Variants in SEMA6A observed in about 807,000 individuals in gnomAD.
SEMA6A encodes semaphorin-6A.
In SEMA6A, 25 loss-of-function variants were observed where a neutral mutation model predicts 96.8. That is an observed-to-expected ratio of 0.26 (90% CI 0.19 to 0.36). The LOEUF (loss-of-function observed/expected upper bound fraction) is 0.36. SEMA6A is among the 10% of genes least tolerant of loss of function. SEMA6A has a pLI of 1.00. For missense variants in SEMA6A, 1,363 were observed against 1,323.1 expected, an observed-to-expected ratio of 1.03 and a Z score of -0.47; for synonymous variants, 612 against 518.0, an observed-to-expected ratio of 1.18 and a Z score of -2.46.
rs35628596 is a variant in SEMA6A at position 116,446,702 on chromosome 5, G to C, written c.3004C>G (p.Arg1002Gly). Reference protein sequence around the residue: ...YNSLTRSGLKRTPSLKPDVPP... With the variant: ...YNSLTRSGLKGTPSLKPDVPP... ...ACGTCCGGCTTTAGCGAGGGCGTAC[G>C]CTTCAGCCCCGACCTTGTCAGTGAG... is the stretch of plus-strand genomic sequence containing the variant. The change falls in exon 19 of 19, where the codon CGT becomes GGT. Residue 1002 changes from arginine (R) to glycine (G), a missense_variant. Arg to Gly is a moderately radical substitution (Grantham distance 125, BLOSUM62 -2). Coordinates refer to ENST00000343348, the MANE Select transcript of SEMA6A (RefSeq NM_020796.5). 5 of 1,587,972 alleles carry C rather than the reference G, an allele frequency of 3.1e-6. No individual in the cohort carries two copies. Among genetic ancestry groups the C allele is most frequent in the Non-Finnish European group, 4.3e-6 (5 of 1,166,234 alleles).
Position 116,446,751 on chromosome 5 carries a change from C to T in SEMA6A, c.2955G>A (p.Arg985=), listed in dbSNP as rs532604343. ...AGTTGTAGGCGTTGAGGCTGGGCTG[C>T]CTCGAGACAGTCACGGCCTGGCCAG... The part of the protein sequence containing the change: ...QPSGQAVTVS[R]QPSLNAYNSL... Residue 985 remains arginine, a synonymous_variant, in exon 19 of 19, where the codon AGG becomes AGA. Transcript: ENST00000343348. The T allele has an allele frequency of 6.8e-6, 11 of 1,608,064 alleles. No homozygotes were observed. Among genetic ancestry groups the T allele is most frequent in the Non-Finnish European group, 9.3e-6 (11 of 1,177,002 alleles).
At chr5:116,543,677 T>G (rs528756021) in intron 1 of SEMA6A, among the ~76,000 whole-genome samples, 82 of 152,226 alleles carry the variant, frequency 5.4e-4, no homozygotes, top group Non-Finnish European at 1.0e-3. Flanking sequence ...AGGGCTGTTT[T>G]AACACAGATT....
intron 10 of SEMA6A, among the ~76,000 whole-genome samples, chr5:116,484,024 A>C (rs1756917837): frequency 6.8e-6 from 1 of 146,678 alleles, no homozygotes; most frequent in South Asian, 2.3e-4. Context: ...AGACTAAGCC[A>C]CTGCACTCCA....
intron 1 of SEMA6A, among the ~76,000 whole-genome samples, chr5:116,536,938 C>G (rs915397101): frequency 7.0e-6 from 1 of 143,168 alleles, no homozygotes; most frequent in Non-Finnish European, 1.5e-5. Context: ...CAGCACTTTG[C>G]TGACTCCAAG....
chr5:116,533,344 G>A (rs1262857876), intron 1 of SEMA6A, among the ~76,000 whole-genome samples: 1 of 147,556 alleles, frequency 6.8e-6, no homozygotes, highest in African/African-American at 2.6e-5. Context: ...CTGCTGCTCT[G>A]TGCACAGATG....
chr5:116,471,594 G>C (rs1301269233), intron 17 of SEMA6A: 3 of 152,090 alleles, frequency 2.0e-5, no homozygotes, highest in Non-Finnish European at 4.4e-5. Context: ...TCTAGTCTTT[G>C]GTGTTCAATA....
intron 12 of SEMA6A, among the ~76,000 whole-genome samples, chr5:116,479,369 C>T (rs897437295): frequency 3.7e-4 from 56 of 152,332 alleles, no homozygotes; most frequent in African/African-American, 1.3e-3. Context: ...TTGTCCTAAG[C>T]ACCATAGCTG....
intron 18 of SEMA6A, among the ~76,000 whole-genome samples, chr5:116,461,698 C>T (rs1181575044): frequency 6.6e-6 from 1 of 152,122 alleles, no homozygotes; most frequent in African/African-American, 2.4e-5. Context: ...GTTGTCTTTA[C>T]TTGTCTAATA....
intron 1 of SEMA6A, among the ~76,000 whole-genome samples, chr5:116,561,577 A>G (rs1477455622): frequency 6.6e-6 from 1 of 152,214 alleles, no homozygotes; most frequent in Admixed American, 6.5e-5. Context: ...AAACTCTTTC[A>G]TGTTCTACGC....
chr5:116,534,614 C>T (rs1343630255), intron 1 of SEMA6A, among the ~76,000 whole-genome samples: 4 of 152,190 alleles, frequency 2.6e-5, no homozygotes, highest in African/African-American at 9.7e-5. Flanking sequence ...CCTGATAGCC[C>T]CTCCTCACCA....
intron 10 of SEMA6A, among the ~76,000 whole-genome samples, chr5:116,482,945 T>A (rs1756862276): frequency 6.6e-6 from 1 of 152,238 alleles, no homozygotes; most frequent in South Asian, 2.1e-4. Flanking sequence ...GAGAGCGTTC[T>A]GTGTCACTAA....
intron 1 of SEMA6A, among the ~76,000 whole-genome samples, chr5:116,537,046 G>C (rs1464757718): frequency 6.6e-6 from 1 of 152,046 alleles, no homozygotes; most frequent in African/African-American, 2.4e-5. Flanking sequence ...TCCATAATAA[G>C]AGCAGCCTGG....
intron 1 of SEMA6A, among the ~76,000 whole-genome samples, chr5:116,510,289 A>T (rs1758347114): frequency 6.6e-6 from 1 of 152,146 alleles, no homozygotes; most frequent in Non-Finnish European, 1.5e-5. Flanking sequence ...CATTTTTATT[A>T]ACTCAAATTT....
At chr5:116,542,112 A>ATTT (rs1759997818) in intron 1 of SEMA6A, among the ~76,000 whole-genome samples, 1 of 152,142 alleles carries the variant, frequency 6.6e-6, no homozygotes, top group Non-Finnish European at 1.5e-5. Flanking sequence ...TGCCCTCTTC[A>ATTT]TTTGAGATAC....
At chr5:116,544,249 C>G (rs1378438067) in intron 1 of SEMA6A, among the ~76,000 whole-genome samples, 3 of 151,968 alleles carry the variant, frequency 2.0e-5, no homozygotes, top group Non-Finnish European at 4.4e-5. Flanking sequence ...ACAGAGGTCT[C>G]CTGAGGTCTC....
intron 18 of SEMA6A, among the ~76,000 whole-genome samples, chr5:116,462,713 A>G (rs1755488951): frequency 6.6e-6 from 1 of 152,182 alleles, no homozygotes; most frequent in African/African-American, 2.4e-5. Flanking sequence ...GAGAGGGTAT[A>G]GTGGTCATCA....
At chr5:116,564,318 A>G (rs1462830706) in intron 1 of SEMA6A, among the ~76,000 whole-genome samples, 2 of 152,244 alleles carry the variant, frequency 1.3e-5, no homozygotes, top group African/African-American at 4.8e-5. Context: ...TAAGGAATTC[A>G]AAGTTTCTTC....
At chr5:116,521,518 G>T (rs984801156) in intron 1 of SEMA6A, among the ~76,000 whole-genome samples, 1 of 152,222 alleles carries the variant, frequency 6.6e-6, no homozygotes, top group Non-Finnish European at 1.5e-5. Context: ...CAAGTCATGG[G>T]TGGGGACACT....
At chr5:116,476,851 C>G (rs751805145) in intron 15 of SEMA6A, among the ~76,000 whole-genome samples, 1 of 152,192 alleles carries the variant, frequency 6.6e-6, no homozygotes, top group Non-Finnish European at 1.5e-5. Context: ...TAATAATATA[C>G]AGAGACTCAA....
Sources: allele counts gnomAD v4.1 joint callset (sites outside exome capture counted in the v4.1 genomes callset), GRCh38; gene constraint gnomAD v4.1.1; transcripts MANE v1.5; gene names NCBI Gene and HGNC (gene_info 2026-07-23, HGNC 2026-07-21).